Variants in RFC1 observed in about 807,000 individuals in gnomAD.
The protein encoded by RFC1 is replication factor C subunit 1, also known as A1 140 kDa subunit.
In RFC1, 37 loss-of-function variants were observed where a neutral mutation model predicts 137.4. That is an observed-to-expected ratio of 0.27 (90% CI 0.21 to 0.35). The LOEUF (loss-of-function observed/expected upper bound fraction) is 0.35, where lower values mean the gene tolerates loss of function less well. Ranked by LOEUF, RFC1 falls within the 10% of genes least tolerant of loss-of-function variation. The probability of loss-of-function intolerance (pLI) is 1.00; values close to 1 mark genes in which losing one functional copy is unlikely to be tolerated. For missense variants in RFC1, 1,205 were observed against 1,358.5 expected (o/e 0.89, Z 1.78); for synonymous variants, 429 against 455.7 (o/e 0.94, Z 0.75).
chr4:39,357,010 G>C (rs894548389), intron 1 of RFC1, among the ~76,000 whole-genome samples: 4 of 152,176 alleles, frequency 2.6e-5, no homozygotes, highest in Non-Finnish European at 4.4e-5. Flanking sequence ...TTTACTCAGA[G>C]CCTTTTATGG....
intron 1 of RFC1, among the ~76,000 whole-genome samples, chr4:39,357,827 C>T (rs929432702): frequency 2.0e-5 from 3 of 151,932 alleles, no homozygotes; most frequent in Non-Finnish European, 4.4e-5. Context: ...CTATGTTGGC[C>T]AGGCTGGTCT....
chr4:39,352,973 G>A lies in RFC1; in HGVS notation c.4-1497C>T, dbSNP rs112120043. Among the ~76,000 whole-genome samples the A allele has an allele frequency of 3.2e-3, 483 of 152,094 alleles. 1 individual carries two copies. Among genetic ancestry groups the A allele is most frequent in the African/African-American group, 0.011 (461 of 41,498 alleles). ...AAGAAAAGTTAGCAATTATTTCCTA[G>A]ATCCTGACAATAATTGTCATACTCT... On this transcript the variant is annotated intron_variant, in intron 1 of 24. Transcript: ENST00000349703.
intron 9 of RFC1, among the ~76,000 whole-genome samples, chr4:39,319,582 T>C (rs1252268368): frequency 6.6e-6 from 1 of 152,138 alleles, no homozygotes; most frequent in African/African-American, 2.4e-5. Flanking sequence ...CTAAATAAGA[T>C]ATCTTAAAAA....
At chr4:39,343,536 T>C (rs1740703939) in intron 3 of RFC1, among the ~76,000 whole-genome samples, 1 of 152,200 alleles carries the variant, frequency 6.6e-6, no homozygotes, top group Non-Finnish European at 1.5e-5. Flanking sequence ...CAGTGCCTGG[T>C]ACAAAATAGA....
chr4:39,354,821 G>A (rs1294203199), intron 1 of RFC1, among the ~76,000 whole-genome samples: 15 of 143,984 alleles, frequency 1.0e-4, no homozygotes, highest in South Asian at 2.3e-4. Context: ...AGTGGCTCAC[G>A]CCTGTAATCC....
intron 23 of RFC1, among the ~76,000 whole-genome samples, chr4:39,291,104 G>A (rs959070177): frequency 3.3e-5 from 5 of 152,174 alleles, no homozygotes; most frequent in Non-Finnish European, 7.3e-5. Flanking sequence ...ACAGGTGCAA[G>A]AGTTGGGTAT....
At chr4:39,366,204 G>T (rs17287858) in intron 1 of RFC1, 35 bp downstream of exon 1, 2 of 1,551,202 alleles carry the variant, frequency 1.3e-6, no homozygotes, top group East Asian at 2.5e-5. Context: ...AGCCCCCCCA[G>T]ACCCCGAGCC....
At position 39,304,854 on chromosome 4, in the gene RFC1, A is replaced by G. The variant is rs570160405; in HGVS notation, c.2070T>C (p.Ala690=). The G allele has an allele frequency of 1.6e-5, 26 of 1,613,356 alleles. No individual in the cohort carries two copies. The South Asian group carries it at 2.5e-4, about 16-fold the overall frequency. The stretch of plus-strand genomic sequence containing the variant: ...TGATGCTGGTATTGTTCAGTGACTC[A>G]GCAACAATCGCCTTCAAACTGCTCT... The part of the protein sequence containing the change: ...RSKSSLKAIV[A]ESLNNTSIKG... The change falls in exon 15 of 25, where the codon GCT becomes GCC. Residue 690 remains alanine, a synonymous_variant. Transcript: ENST00000349703.
intron 4 of RFC1, among the ~76,000 whole-genome samples, chr4:39,328,672 C>T (rs944646896): frequency 2.0e-5 from 3 of 152,074 alleles, no homozygotes; most frequent in African/African-American, 7.2e-5. Context: ...GAGGTAGGGG[C>T]CAAATCCTGG....
intron 3 of RFC1, 104 bp downstream of exon 3, chr4:39,345,297 A>G (rs1239523581): frequency 1.1e-5 from 10 of 901,452 alleles, no homozygotes; most frequent in Non-Finnish European, 1.5e-5. Context: ...TTGCGATTAC[A>G]GGCATGAGCC....
At chr4:39,358,768 T>C (rs1201301409) in intron 1 of RFC1, among the ~76,000 whole-genome samples, 2 of 152,194 alleles carry the variant, frequency 1.3e-5, no homozygotes, top group African/African-American at 4.8e-5. Flanking sequence ...AAACTTTGTA[T>C]CCAATGTTAG....
chr4:39,358,736 C>T (rs550343552), intron 1 of RFC1, among the ~76,000 whole-genome samples: 4 of 152,226 alleles, frequency 2.6e-5, no homozygotes, highest in South Asian at 2.1e-4. Context: ...CACGGAAATA[C>T]GAAAAAACAA....
chr4:39,342,920 G>A (rs1036759593), intron 3 of RFC1, among the ~76,000 whole-genome samples: 1 of 152,088 alleles, frequency 6.6e-6, no homozygotes, highest in East Asian at 1.9e-4. Flanking sequence ...GCCATCTCCC[G>A]GATCCTCTAA....
chr4:39,290,740 G>A (rs1047710258), intron 23 of RFC1, among the ~76,000 whole-genome samples: 5 of 151,196 alleles, frequency 3.3e-5, no homozygotes, highest in Non-Finnish European at 5.9e-5. Context: ...GCTTGAACCC[G>A]GGAGGCAGAG....
At chr4:39,300,678 T>G (rs1175974535) in intron 19 of RFC1, among the ~76,000 whole-genome samples, 1 of 152,224 alleles carries the variant, frequency 6.6e-6, no homozygotes, top group East Asian at 1.9e-4. Flanking sequence ...TATTTATAAT[T>G]ACCAAAAGTT....
Position 39,342,249 on chromosome 4 carries a change from A to C in RFC1, c.331+96T>G, listed in dbSNP as rs985913902. The stretch of plus-strand genomic sequence containing the variant: ...CTCAACAAAGCAAAAAGGCAGTAGA[A>C]ATTCCATTCAAAGTGAAGGAGGTAC... On this transcript the variant is annotated intron_variant, in intron 4 of 24. Transcript: ENST00000349703. 3 of 1,370,678 alleles carry C rather than the reference A, an allele frequency of 2.2e-6. No homozygotes were observed. In the African/African-American group the frequency reaches 4.4e-5, roughly 20 times the overall value. 84.9% of individuals were successfully genotyped at this position (1,370,678 alleles called of 1,614,324 possible). A position where few individuals can be genotyped will look rare whatever the true frequency, so the allele number is the denominator to read the frequency against.
chr4:39,346,419 T>A (rs961070980), intron 2 of RFC1, among the ~76,000 whole-genome samples: 23 of 148,946 alleles, frequency 1.5e-4, no homozygotes, highest in Admixed American at 1.2e-3. Flanking sequence ...GAGGTTGCAG[T>A]AAGCCAAGAT....
intron 2 of RFC1, among the ~76,000 whole-genome samples, chr4:39,347,009 G>T (rs1196249894): frequency 6.6e-6 from 1 of 152,294 alleles, no homozygotes; most frequent in African/African-American, 2.4e-5. Context: ...TAAACCAAAA[G>T]AACACTCTTT....
In RFC1 at chr4:39,321,370, C is replaced by T. The variant is rs773119176; in HGVS notation, c.725G>A (p.Arg242Gln). Reference sequence around the variant, plus strand: ...CGTTTCTCCCGCTTCTGTGTCCTTTCGAGCCTAAACAAATTTTAAAAGTGT... The same window carrying T: ...CGTTTCTCCCGCTTCTGTGTCCTTTTGAGCCTAAACAAATTTTAAAAGTGT... ...LDEEPKTKKA[R>Q]KDTEAGETFS... Residue 242 changes from arginine to glutamine, a missense_variant, in exon 8 of 25, where the codon CGA (arginine) becomes CAA (glutamine). Physicochemically the swap from Arg to Gln is conservative, Grantham distance 43. Around this residue, in one of 3 missense-constraint regions of RFC1, gnomAD observed 962 missense variants for 1,035.3 expected, o/e 0.93. Transcript: ENST00000349703. The T allele has an allele frequency of 5.0e-6, 8 of 1,612,216 alleles. No individual in the cohort carries two copies. Among genetic ancestry groups the T allele is most frequent in the South Asian group, 2.2e-5 (2 of 90,564 alleles).
Sources: allele counts gnomAD v4.1 joint callset (sites outside exome capture counted in the v4.1 genomes callset), GRCh38; gene constraint gnomAD v4.1.1; regional missense constraint gnomAD v4.1.1; transcripts MANE v1.5; gene names NCBI Gene and HGNC (gene_info 2026-07-23, HGNC 2026-07-21).